The following AMOTL1 variants were observed in gnomAD, a reference collection of about 807,000 sequenced individuals.
The protein encoded by AMOTL1 is angiomotin like 1.
In AMOTL1, 45 loss-of-function variants were observed where a neutral mutation model predicts 102.9. The observed-to-expected ratio is 0.44, with a 90% CI of 0.34 to 0.56. The LOEUF is 0.56. Ranked by LOEUF, AMOTL1 falls within the 20% of genes least tolerant of loss-of-function variation. The pLI is 0.01. For synonymous variants in AMOTL1, 481 were observed against 484.7 expected (o/e 0.99, Z 0.10); for missense variants, 1,114 against 1,225.6 (o/e 0.91, Z 1.36).
At chr11:94,752,294 C>G (rs573428985) in intron 3 of AMOTL1, among the ~76,000 whole-genome samples, 1 of 152,258 alleles carries the variant, frequency 6.6e-6, no homozygotes, top group Non-Finnish European at 1.5e-5. Context: ...TTGCTCCCTC[C>G]TCCTTTTTCC....
Position 94,871,455 on chromosome 11 carries a change from T to C in AMOTL1, c.*660T>C, listed in dbSNP as rs555567829. On this transcript the variant is annotated 3_prime_UTR_variant, in exon 13 of 13. Coordinates refer to ENST00000433060, the MANE Select transcript of AMOTL1 (RefSeq NM_130847.3). ...TTATGATCTCGGTCCCCATCCATCC[T>C]AACTTCTGAGTTCATCTCTGTCTCT... 1 of 152,252 alleles carries C rather than the reference T, an allele frequency of 6.6e-6. No homozygotes were observed. The highest frequency in any genetic ancestry group is 1.5e-5 in the Non-Finnish European group (1 of 68,050). The allele number at this position is 152,252 out of a possible 1,614,324, so 9.4% of individuals were successfully genotyped here. A position where few individuals can be genotyped will look rare whatever the true frequency, so the allele number is the denominator to read the frequency against.
At chr11:94,728,826 A>G (rs539791223) in intron 1 of AMOTL1, 2 of 514,822 alleles carry the variant, frequency 3.9e-6, no homozygotes, top group South Asian at 4.0e-5. Context: ...GAAATGAGCT[A>G]GAAACTGACC....
At chr11:94,850,335 C>A in intron 7 of AMOTL1, 76 bp downstream of exon 7, 1 of 1,478,554 alleles carries the variant, frequency 6.8e-7, no homozygotes, top group Non-Finnish European at 9.0e-7. Flanking sequence ...CTTTTCCTAA[C>A]CCACCTACTT....
intron 3 of AMOTL1, among the ~76,000 whole-genome samples, chr11:94,746,411 C>T (rs1950590982): frequency 6.6e-6 from 1 of 152,164 alleles, no homozygotes; most frequent in African/African-American, 2.4e-5. Flanking sequence ...TTGACTGACT[C>T]TCCTCTACCT....
chr11:94,718,701 G>A (rs1279095692), intron 1 of AMOTL1, among the ~76,000 whole-genome samples: 1 of 151,426 alleles, frequency 6.6e-6, no homozygotes, highest in African/African-American at 2.4e-5. Flanking sequence ...ATTAATATTT[G>A]TTTATCTATT....
At chr11:94,748,868 A>G (rs189880817) in intron 3 of AMOTL1, among the ~76,000 whole-genome samples, 30 of 152,288 alleles carry the variant, frequency 2.0e-4, no homozygotes, top group African/African-American at 6.0e-4. Flanking sequence ...CTTCCTTCCC[A>G]TCAAGCTGTG....
At chr11:94,870,609 G>A (rs754554549) in intron 12 of AMOTL1, 80 bp from the exon 13 acceptor site, 68 of 1,069,074 alleles carry the variant, frequency 6.4e-5, no homozygotes, top group South Asian at 6.1e-4. Flanking sequence ...GGTATCGGAC[G>A]TGGGTCCATT....
At chr11:94,856,584 A>G (rs1245696322) in intron 8 of AMOTL1, among the ~76,000 whole-genome samples, 1 of 151,894 alleles carries the variant, frequency 6.6e-6, no homozygotes, top group Non-Finnish European at 1.5e-5. Context: ...CTCCTCATTC[A>G]CCCTCACGCA....
At chr11:94,865,091 C>G (rs1952854845) in intron 10 of AMOTL1, among the ~76,000 whole-genome samples, 1 of 152,120 alleles carries the variant, frequency 6.6e-6, no homozygotes, top group South Asian at 2.1e-4. Flanking sequence ...TGCGTGTCAC[C>G]TGCCGGTTTT....
chr11:94,729,096 C>T, intron 2 of AMOTL1: 1 of 1,249,200 alleles, frequency 8.0e-7, no homozygotes, highest in Non-Finnish European at 1.1e-6. Context: ...TGGTACTCTT[C>T]AGCTTCTGCA....
At chr11:94,813,573 C>T (rs1007648371) in intron 3 of AMOTL1, among the ~76,000 whole-genome samples, 3 of 152,238 alleles carry the variant, frequency 2.0e-5, no homozygotes, top group Non-Finnish European at 4.4e-5. Context: ...TCCCCTCTCT[C>T]GCTACACACC....
intron 6 of AMOTL1, among the ~76,000 whole-genome samples, chr11:94,837,666 A>G (rs1278019305): frequency 6.6e-6 from 1 of 152,156 alleles, no homozygotes; most frequent in African/African-American, 2.4e-5. Context: ...AATTAATGTT[A>G]CTCAATTTAG....
At chr11:94,850,586 G>A (rs675251) in intron 7 of AMOTL1, among the ~76,000 whole-genome samples, 3 of 152,214 alleles carry the variant, frequency 2.0e-5, no homozygotes, top group African/African-American at 2.4e-5. Context: ...AAATCAACCC[G>A]TTAGCTTAAG....
chr11:94,748,883 A>C (rs934089733), intron 3 of AMOTL1, among the ~76,000 whole-genome samples: 1 of 152,214 alleles, frequency 6.6e-6, no homozygotes, highest in Non-Finnish European at 1.5e-5. Context: ...GCTGTGGGAC[A>C]ATATGGCTGT....
intron 3 of AMOTL1, among the ~76,000 whole-genome samples, chr11:94,744,651 T>G (rs1950569008): frequency 6.6e-6 from 1 of 152,174 alleles, no homozygotes; most frequent in African/African-American, 2.4e-5. Context: ...CAATGTAATT[T>G]TTGTTAATGT....
In AMOTL1 at chr11:94,740,870, T is replaced by A; in HGVS notation, c.86-68T>A. The A allele has an allele frequency of 2.8e-6, 3 of 1,082,286 alleles. No homozygotes were observed. The South Asian group carries it at 4.0e-5, about 14-fold the overall frequency. 67.0% of individuals were successfully genotyped at this position (1,082,286 alleles called of 1,614,324 possible). A position where few individuals can be genotyped will look rare whatever the true frequency, so the allele number is the denominator to read the frequency against. The stretch of plus-strand genomic sequence containing the variant: ...TTTTCCCGGGGACCTGCGCTTGAGC[T>A]GGTGCTTGTGCGGGTTCGTCCTGAA... On this transcript the variant is annotated intron_variant, in intron 2 of 4. Coordinates refer to the AMOTL1 transcript ENST00000299004.
intron 7 of AMOTL1, among the ~76,000 whole-genome samples, chr11:94,853,008 T>C (rs1333530026): frequency 1.3e-5 from 2 of 152,262 alleles, no homozygotes; most frequent in East Asian, 1.9e-4. Flanking sequence ...CCTGCCTTTT[T>C]TTCATGGATA....
chr11:94,854,485 G>T (rs1057033780), intron 8 of AMOTL1, among the ~76,000 whole-genome samples: 1 of 152,212 alleles, frequency 6.6e-6, no homozygotes, highest in African/African-American at 2.4e-5. Context: ...GGTGCAGGTA[G>T]CTAGGGGAAA....
At chr11:94,787,194 T>G (rs557145301) in intron 1 of AMOTL1, among the ~76,000 whole-genome samples, 31 of 152,100 alleles carry the variant, frequency 2.0e-4, no homozygotes, top group Non-Finnish European at 4.3e-4. Flanking sequence ...GGCACTAGAA[T>G]AGAGCTTCAA....
Sources: allele counts gnomAD v4.1 joint callset (sites outside exome capture counted in the v4.1 genomes callset), GRCh38; gene constraint gnomAD v4.1.1; transcripts MANE v1.5; gene names NCBI Gene and HGNC (gene_info 2026-07-23, HGNC 2026-07-21).